The following PRKX variants were observed in gnomAD, a reference collection of about 807,000 sequenced individuals.
PRKX encodes protein kinase cAMP-dependent X-linked catalytic subunit, also known as cAMP-dependent protein kinase catalytic subunit PRKX.
In PRKX, 12 loss-of-function variants were observed where a neutral mutation model predicts 22.0. That is an observed-to-expected ratio of 0.54 (90% confidence interval 0.35 to 0.88). The LOEUF is 0.88. Among genes scored for constraint, PRKX ranks in the 40% least tolerant of loss-of-function variants. The pLI is 0.01. For synonymous variants in PRKX, 134 were observed against 137.7 expected (o/e 0.97, Z 0.19); for missense variants, 217 against 308.0 (o/e 0.70, Z 2.21).
intron 1 of PRKX, among the ~76,000 whole-genome samples, chrX:3,703,903 T>C (rs1202762558): frequency 7.3e-5 from 8 of 109,779 alleles, no homozygotes; most frequent in African/African-American, 2.3e-4. Flanking sequence ...GAACTCCTGA[T>C]CTCAAGTGAT....
At chrX:3,639,603 A>T (rs1927023393) in intron 4 of PRKX, among the ~76,000 whole-genome samples, 1 of 105,392 alleles carries the variant, frequency 9.5e-6, no homozygotes, top group Non-Finnish European at 2.0e-5. Context: ...AAAGTATATA[A>T]ACATAGATAA....
intron 3 of PRKX, among the ~76,000 whole-genome samples, chrX:3,654,027 C>T (rs1375080778): frequency 2.6e-5 from 2 of 75,660 alleles, no homozygotes; most frequent in African/African-American, 5.6e-5. Context: ...ATATTATATA[C>T]TATGTAATAT....
At chrX:3,636,440 G>A (rs1283163211) in intron 4 of PRKX, among the ~76,000 whole-genome samples, 4 of 112,875 alleles carry the variant, frequency 3.5e-5, no homozygotes, top group Non-Finnish European at 7.5e-5. Flanking sequence ...TTTCAGAGCT[G>A]CTAATCAGTA....
chrX:3,662,321 G>A (rs1569054031), intron 2 of PRKX, among the ~76,000 whole-genome samples: 1 of 111,227 alleles, frequency 9.0e-6, no homozygotes, highest in Admixed American at 9.6e-5. Context: ...GGCACTTTGC[G>A]GGGCCAAGGT....
At chrX:3,636,476 A>T (rs1225130483) in intron 4 of PRKX, among the ~76,000 whole-genome samples, 5 of 113,036 alleles carry the variant, frequency 4.4e-5, no homozygotes, top group African/African-American at 1.6e-4. Flanking sequence ...GGCTGGTCGG[A>T]CAGGGCATGG....
intron 1 of PRKX, among the ~76,000 whole-genome samples, chrX:3,710,565 G>T (rs888587142): frequency 9.0e-6 from 1 of 111,458 alleles, no homozygotes; most frequent in Non-Finnish European, 1.9e-5. Flanking sequence ...GTAGAGACAG[G>T]GTTTCACCAT....
At chrX:3,638,845 T>A (rs1302639296) in intron 4 of PRKX, among the ~76,000 whole-genome samples, 1 of 106,486 alleles carries the variant, frequency 9.4e-6, no homozygotes, top group Non-Finnish European at 1.9e-5. Flanking sequence ...GAAAGACAGA[T>A]GATAAATAGA....
chrX:3,614,525 A>C (rs1187038578), intron 7 of PRKX, among the ~76,000 whole-genome samples: 1 of 111,886 alleles, frequency 8.9e-6, no homozygotes, highest in African/African-American at 3.3e-5. Context: ...AGCCAGACGC[A>C]GAATGAGAAA....
At chrX:3,639,728 G>C (rs760791030) in intron 4 of PRKX, among the ~76,000 whole-genome samples, 6 of 111,220 alleles carry the variant, frequency 5.4e-5, no homozygotes, top group Admixed American at 9.5e-5. Context: ...TCAGGCTCCG[G>C]TTTTGTGGTG....
At chrX:3,626,364 T>C in intron 5 of PRKX, 55 bp downstream of exon 5, 1 of 990,266 alleles carries the variant, frequency 1.0e-6, no homozygotes, top group Non-Finnish European at 1.4e-6. Flanking sequence ...TTCACGGTGA[T>C]TTTAGACACT....
intron 1 of PRKX, among the ~76,000 whole-genome samples, chrX:3,680,413 G>A (rs925723652): frequency 1.8e-5 from 2 of 111,100 alleles, no homozygotes; most frequent in Non-Finnish European, 3.8e-5. Context: ...CAAAGTGCTA[G>A]GAGTACAGGC....
intron 3 of PRKX, among the ~76,000 whole-genome samples, chrX:3,650,626 C>A (rs896395239): frequency 3.6e-5 from 4 of 109,778 alleles, no homozygotes; most frequent in Non-Finnish European, 7.6e-5. Flanking sequence ...CGCCTGTAAT[C>A]CCAATGCTTT....
intron 1 of PRKX, among the ~76,000 whole-genome samples, chrX:3,692,120 GGA>G (rs200745532): frequency 0.023 from 2,432 of 104,310 alleles, 30 homozygotes; most frequent in Non-Finnish European, 0.032. Context: ...AGTGGGGAGG[GGA>G]GAGAGGGGGA....
chrX:3,690,702 G>C (rs1928306600), intron 1 of PRKX, among the ~76,000 whole-genome samples: 1 of 112,313 alleles, frequency 8.9e-6, no homozygotes, highest in African/African-American at 3.2e-5. Flanking sequence ...CTGCACTCCA[G>C]CCTAGGTGAC....
chrX:3,620,648 G>A (rs183623657), intron 6 of PRKX, among the ~76,000 whole-genome samples: 142 of 112,448 alleles, frequency 1.3e-3, no homozygotes, highest in African/African-American at 3.8e-3. Context: ...TGTGAACTGC[G>A]CAACTAAGGG....
intron 1 of PRKX, among the ~76,000 whole-genome samples, chrX:3,680,182 C>T (rs774971318): frequency 1.8e-5 from 2 of 109,918 alleles, no homozygotes; most frequent in East Asian, 2.8e-4. Context: ...CTCACTCTGT[C>T]GCCCAGGCTG....
chrX:3,702,854 T>C (rs1603474882), intron 1 of PRKX, among the ~76,000 whole-genome samples: 1 of 109,521 alleles, frequency 9.1e-6, no homozygotes, highest in East Asian at 2.9e-4. Context: ...TCCCCATGCG[T>C]GGCTGACTTG....
In PRKX at chrX:3,605,682, T is replaced by C. The variant is rs1180584313; in HGVS notation, c.*3287A>G. ...TTGCTTTTTCTTCAAAGCAAACAAA[T>C]GATTTGGTCTTTAAGTATGGACAGA... On this transcript the variant is annotated 3_prime_UTR_variant, in exon 9 of 9. Coordinates refer to ENST00000262848, the MANE Select transcript of PRKX (RefSeq NM_005044.5). 6 of 112,255 alleles carry C rather than the reference T, an allele frequency of 5.3e-5. No individual in the cohort carries two copies. The highest frequency in any genetic ancestry group is 7.5e-5 in the Non-Finnish European group (4 of 53,296). 9.3% of individuals were successfully genotyped at this position (112,255 alleles called of 1,213,427 possible).
chrX:3,649,301 T>C (rs1355069107), intron 3 of PRKX, among the ~76,000 whole-genome samples: 1 of 109,771 alleles, frequency 9.1e-6, no homozygotes, highest in Non-Finnish European at 1.9e-5. Flanking sequence ...AATTATAAAA[T>C]CAAATTAAAC....
Sources: allele counts gnomAD v4.1 joint callset (sites outside exome capture counted in the v4.1 genomes callset), GRCh38; gene constraint gnomAD v4.1.1; transcripts MANE v1.5; gene names NCBI Gene and HGNC (gene_info 2026-07-23, HGNC 2026-07-21).